The following ZNF584 variants were observed in gnomAD, a reference collection of about 807,000 sequenced individuals.
ZNF584 encodes zinc finger protein 584.
Under a neutral mutation model 14.7 loss-of-function variants are expected in ZNF584, and 12 were observed. The observed-to-expected ratio is 0.82, with a 90% CI of 0.52 to 1.32. The LOEUF (loss-of-function observed/expected upper bound fraction) is 1.32, where lower values mean the gene tolerates loss of function less well. Among genes scored for constraint, ZNF584 ranks in the 40% most tolerant of loss-of-function variants. The pLI is 0.00. For missense variants in ZNF584, 478 were observed against 518.8 expected, an observed-to-expected ratio of 0.92 and a Z score of 0.76; for synonymous variants, 204 against 190.9, an observed-to-expected ratio of 1.07 and a Z score of -0.57.
chr19:58,409,219 G>A (rs1290281650), intron 1 of ZNF584, 54 bp downstream of exon 1: 1 of 1,389,304 alleles, frequency 7.2e-7, no homozygotes, highest in Non-Finnish European at 9.4e-7. Flanking sequence ...GGGGGGCGGC[G>A]TGTGCCAGGG....
At chr19:58,411,508 A>G (rs942328852) in intron 2 of ZNF584, among the ~76,000 whole-genome samples, 4 of 144,612 alleles carry the variant, frequency 2.8e-5, no homozygotes, top group Non-Finnish European at 3.0e-5. Context: ...CCTGGGCAAC[A>G]AGAGTGAAAC....
chr19:58,415,448 C>T (rs1433686839), intron 2 of ZNF584, 76 bp from the exon 3 acceptor site: 65 of 1,539,970 alleles, frequency 4.2e-5, no homozygotes, highest in Non-Finnish European at 5.5e-5. Flanking sequence ...TCTCCTACCT[C>T]ACTTTCCAAA....
chr19:58,401,885 C>CA (rs781429177), intron 1 of ZNF584, among the ~76,000 whole-genome samples: 839 of 66,846 alleles, frequency 0.013, 6 homozygotes, highest in Non-Finnish European at 0.016. Flanking sequence ...TGAGACTCCT[C>CA]AAAAAAAAAA....
chr19:58,417,247 G>A lies in ZNF584; in HGVS notation c.729G>A (p.Lys243=), dbSNP rs144694474. 5.1e-5 allele frequency: 82 copies of A among 1,614,054 alleles called. No individual in the cohort carries two copies. The African/African-American group carries it at 8.0e-4, about 16-fold the overall frequency. The change falls in exon 4 of 4, where the codon AAG becomes AAA. Residue 243 remains lysine, a synonymous_variant. Coordinates refer to ENST00000306910, the MANE Select transcript of ZNF584 (RefSeq NM_173548.3). ...TTCACACAGGCATAAAACCTTTTAAGTGTAGTGACTGTGGTAAAACCTTCA... is the reference window on the plus strand; with the variant it reads ...TTCACACAGGCATAAAACCTTTTAAATGTAGTGACTGTGGTAAAACCTTCA... ...QKVHTGIKPF[K]CSDCGKTFNR...
chr19:58,406,363 A>AGGGGG (rs2052474019), upstream of ZNF584: 1 of 20,458 alleles, frequency 4.9e-5, no homozygotes, highest in African/African-American at 1.9e-4. Context: ...GGGGAGGGGG[A>AGGGGG]GGGGGAGGAG....
intron 2 of ZNF584, among the ~76,000 whole-genome samples, chr19:58,412,197 G>GCCT (rs1225346355): frequency 8.5e-4 from 83 of 97,944 alleles, no homozygotes; most frequent in African/African-American, 4.2e-3. Context: ...GGCCAGGGTG[G>GCCT]TCTTTTTTTT....
At chr19:58,410,715 GTATATATATATGTA>G (rs1181804981) in intron 2 of ZNF584, among the ~76,000 whole-genome samples, 1 of 43,410 alleles carries the variant, frequency 2.3e-5, no homozygotes, top group South Asian at 5.7e-4. Context: ...GTATATATGT[GTATATATATATGTA>G]TATATATATA....
intron 2 of ZNF584, among the ~76,000 whole-genome samples, chr19:58,410,539 A>AATTTTTTTT: frequency 2.6e-4 from 10 of 38,690 alleles, no homozygotes; most frequent in South Asian, 7.2e-4. Context: ...ATATATATAT[A>AATTTTTTTT]TATATATATA....
intron 3 of ZNF584, 175 bp from the exon 4 acceptor site, chr19:58,416,636 A>G: frequency 1.6e-6 from 1 of 640,002 alleles, no homozygotes; most frequent in Middle Eastern, 4.5e-4. Flanking sequence ...TCCTGACCTC[A>G]CGTGATCTGC....
In ZNF584 at chr19:58,410,541, ATATATATATATATATATG is replaced by A. The variant is rs1364426262; in HGVS notation, c.169+452_169+469del. Reference sequence around the variant, plus strand: ...GAAATATATATATATATATATATATATATATATATATATATATGTGTATATATATATGTATATATATGT... The same window carrying A: ...GAAATATATATATATATATATATATATGTATATATATATGTATATATATGT... On this transcript the variant is annotated intron_variant, in intron 2 of 3. Coordinates refer to ENST00000306910, the MANE Select transcript of ZNF584 (RefSeq NM_173548.3). 5.5e-4 allele frequency among the ~76,000 whole-genome samples: 24 copies of A among 43,778 alleles called. 2 individuals carry two copies. In the South Asian group the frequency reaches 7.9e-3, roughly 14 times the overall value. The allele number at this position is 43,778 out of a possible 152,430, so 28.7% of individuals were successfully genotyped here.
upstream of ZNF584, chr19:58,404,581 A>C (rs951988901): frequency 1.1e-5 from 2 of 188,166 alleles, no homozygotes; most frequent in African/African-American, 4.8e-5. Context: ...ATCCCAAGGC[A>C]GAAGAATTTT....
chr19:58,410,727 GTATATATATATATGTGTGTATATATATA>G (rs1414804428), intron 2 of ZNF584, among the ~76,000 whole-genome samples: 6 of 36,602 alleles, frequency 1.6e-4, no homozygotes, highest in Non-Finnish European at 2.6e-4. Flanking sequence ...ATATATATAT[GTATATATATATATGTGTGTATATATATA>G]TATATATGTA....
At chr19:58,410,557 A>ATATATATGTGTG (rs1340373210) in intron 2 of ZNF584, among the ~76,000 whole-genome samples, 2 of 26,004 alleles carry the variant, frequency 7.7e-5, no homozygotes, top group Admixed American at 7.5e-4. Flanking sequence ...ATATATATAT[A>ATATATATGTGTG]TGTGTATATA....
rs1568584382 is a variant in ZNF584, at chr19:58,410,546, T to TTTTTTTTTTTTTTTTTTTTTG, written c.169+455_169+456insTTTTTTTTTTTTTTTTTTTTG. Among the ~76,000 whole-genome samples, 4 of 62,512 alleles carry TTTTTTTTTTTTTTTTTTTTTG rather than the reference T, an allele frequency of 6.4e-5. 1 individual carries two copies. Among genetic ancestry groups the TTTTTTTTTTTTTTTTTTTTTG allele is most frequent in the Admixed American group, 1.7e-4 (1 of 5,828 alleles). 41.0% of individuals were successfully genotyped at this position (62,512 alleles called of 152,430 possible). On this transcript the variant is annotated intron_variant, in intron 2 of 3. Coordinates refer to ENST00000306910, the MANE Select transcript of ZNF584 (RefSeq NM_173548.3). ...ATATATATATATATATATATATATA[T>TTTTTTTTTTTTTTTTTTTTTG]ATATATATATATGTGTATATATATA...
chr19:58,416,902 G>A lies in ZNF584; in HGVS notation c.384G>A (p.Gly128=), dbSNP rs1350202465. The A allele has an allele frequency of 2.0e-5, 32 of 1,612,214 alleles. No individual in the cohort carries two copies. The highest frequency in any genetic ancestry group is 2.6e-5 in the Non-Finnish European group (31 of 1,179,018). The change falls in exon 4 of 4, where the codon GGG becomes GGA. Residue 128 remains glycine (G), a synonymous_variant. Transcript: ENST00000306910. ...VIQHQDTHSE[G]KPRRHTEHGA... ...AGCACCAGGACACTCATAGTGAGGG[G>A]AAACCAAGAAGGCACACTGAGCATG...
At chr19:58,412,333 C>G (rs1251725917) in intron 2 of ZNF584, among the ~76,000 whole-genome samples, 1 of 151,314 alleles carries the variant, frequency 6.6e-6, no homozygotes, top group Non-Finnish European at 1.5e-5. Context: ...CCTCAGCCTC[C>G]CGAGTAGCTG....
intron 2 of ZNF584, among the ~76,000 whole-genome samples, chr19:58,414,665 A>G (rs1187795049): frequency 6.6e-6 from 1 of 151,834 alleles, no homozygotes. Flanking sequence ...TATCCTAGCA[A>G]ATGGTATGTT....
intron 2 of ZNF584, among the ~76,000 whole-genome samples, chr19:58,411,977 G>GTTT (rs869258960): frequency 3.7e-4 from 33 of 88,754 alleles, no homozygotes; most frequent in East Asian, 1.0e-3. Context: ...TATAATACTT[G>GTTT]TTTTTTTTTT....
Position 58,409,003 on chromosome 19 carries a change from A to C in ZNF584, c.-145A>C. ...CGTCCTCCTTCCCAGCGGCTCCGGG[A>C]AGCGGTTCCCTGTCTTCGGACGCAT... On this transcript the variant is annotated 5_prime_UTR_variant, in exon 1 of 4. Transcript: ENST00000306910. 1 of 1,066,756 alleles carries C rather than the reference A, an allele frequency of 9.4e-7. No individual in the cohort carries two copies. The highest frequency in any genetic ancestry group is 1.3e-6 in the Non-Finnish European group (1 of 779,212). The allele number at this position is 1,066,756 out of a possible 1,614,324, so 66.1% of individuals were successfully genotyped here.
Sources: allele counts gnomAD v4.1 joint callset (sites outside exome capture counted in the v4.1 genomes callset), GRCh38; gene constraint gnomAD v4.1.1; transcripts MANE v1.5; gene names NCBI Gene and HGNC (gene_info 2026-07-23, HGNC 2026-07-21).